The following KRT82 variants were observed in gnomAD, a reference collection of about 807,000 sequenced individuals.
The protein encoded by KRT82 is keratin 82.
In KRT82, 44 loss-of-function variants were observed where a neutral mutation model predicts 48.0. That is an observed-to-expected ratio of 0.92 (90% CI 0.72 to 1.18). The LOEUF (loss-of-function observed/expected upper bound fraction) is 1.18. KRT82 is among the 50% of genes most tolerant of loss of function. The probability of loss-of-function intolerance (pLI) is 0.00; values close to 1 mark genes in which losing one functional copy is unlikely to be tolerated. For missense variants in KRT82, 701 were observed against 671.4 expected, an observed-to-expected ratio of 1.04 and a Z score of -0.49; for synonymous variants, 297 against 278.3, an observed-to-expected ratio of 1.07 and a Z score of -0.67.
rs750110221 is a variant in KRT82, at chr12:52,403,958, A to G, written c.412-49T>C. ...CCAGGCAGCAGAGATCCTGGGGACC[A>G]TGACTTAGAGAGGGCAATGGAATGA... is the stretch of plus-strand genomic sequence containing the variant. On this transcript the variant is annotated intron_variant, in intron 1 of 8. Coordinates refer to ENST00000257974, the MANE Select transcript of KRT82 (RefSeq NM_033033.4). The G allele has an allele frequency of 1.9e-6, 3 of 1,563,062 alleles. No individual in the cohort carries two copies. The East Asian group carries it at 6.8e-5, about 36-fold the overall frequency.
At chr12:52,401,407 C>A in intron 2 of KRT82, 58 bp from the exon 3 acceptor site, 1 of 1,572,012 alleles carries the variant, frequency 6.4e-7, no homozygotes, top group Non-Finnish European at 8.8e-7. Flanking sequence ...TGGAAGAGAT[C>A]TTGGCATCAG....
chr12:52,405,906 G>C lies in KRT82; in HGVS notation c.372C>G (p.Ile124Met). The C allele has an allele frequency of 6.2e-7, 1 of 1,614,020 alleles. No homozygotes were observed. The highest frequency in any genetic ancestry group is 2.2e-5 in the East Asian group (1 of 44,888). ...QRVKRDEKEQ[I>M]KCLNNRFASF... ...ATGCGAAACGGTTGTTGAGGCACTT[G>C]ATCTGCTCCTTCTCATCCCTCTTTA... The change falls in exon 1 of 9, where the codon ATC (isoleucine) becomes ATG (methionine). Residue 124 changes from isoleucine to methionine, a missense_variant. Physicochemically the swap from Ile to Met is conservative, Grantham distance 10 (BLOSUM62 1). Transcript: ENST00000257974.
intron 1 of KRT82, 67 bp downstream of exon 1, chr12:52,405,800 C>T (rs1200377545): frequency 5.3e-6 from 8 of 1,495,938 alleles, no homozygotes; most frequent in Admixed American, 4.1e-5. Context: ...TTCCCTTGGA[C>T]CAGAACAAGA....
At chr12:52,396,265 G>T in intron 6 of KRT82, 33 bp from the exon 7 acceptor site, 1 of 1,582,542 alleles carries the variant, frequency 6.3e-7, no homozygotes, top group Non-Finnish European at 8.6e-7. Flanking sequence ...CATCACTGGG[G>T]GCCCTGGAGC....
At position 52,394,216 on chromosome 12, in the gene KRT82, G is replaced by C. The variant is rs1468001585; in HGVS notation, c.*759C>G. ...GAAGGGGATGGGTGGAGGGGGAACT[G>C]ATTCCATTGAGAAAATGGTATCTGT... On this transcript the variant is annotated 3_prime_UTR_variant, in exon 9 of 9. Coordinates refer to ENST00000257974, the MANE Select transcript of KRT82 (RefSeq NM_033033.4). The C allele has an allele frequency of 6.6e-6, 1 of 152,340 alleles. No individual in the cohort carries two copies. Among genetic ancestry groups the C allele is most frequent in the Non-Finnish European group, 1.5e-5 (1 of 68,118 alleles). The allele number at this position is 152,340 out of a possible 1,614,324, so 9.4% of individuals were successfully genotyped here.
In KRT82 at chr12:52,400,012, G is replaced by A. The variant is rs1414818957; in HGVS notation, c.915C>T (p.Ala305=). The A allele has an allele frequency of 7.4e-6, 12 of 1,614,142 alleles. No individual in the cohort carries two copies. The African/African-American group carries it at 9.3e-5, about 13-fold the overall frequency. ...QYDDIASRSK[A]EAEAWYQCRY... is the part of the protein sequence containing the mutation. ...GGCACTGGTACCAGGCCTCTGCTTCGGCTTTGCTGCGGCTGGCGATGTCGT... is the reference window on the plus strand; with the variant it reads ...GGCACTGGTACCAGGCCTCTGCTTCAGCTTTGCTGCGGCTGGCGATGTCGT... Residue 305 remains alanine (A), a synonymous_variant, in exon 5 of 9, where the codon GCC becomes GCT. Coordinates refer to ENST00000257974, the MANE Select transcript of KRT82 (RefSeq NM_033033.4).
chr12:52,397,908 A>T (rs533003059), intron 5 of KRT82, among the ~76,000 whole-genome samples: 1 of 152,144 alleles, frequency 6.6e-6, no homozygotes, highest in Non-Finnish European at 1.5e-5. Flanking sequence ...TTAGCTGAGT[A>T]TGGTGGTGCA....
chr12:52,403,929 A>G lies in KRT82; in HGVS notation c.412-20T>C, dbSNP rs752032595. ...ACGGACCTGCAGCCAAGAATGGAATATCACCAGGCAGCAGAGATCCTGGGG... is the reference window on the plus strand; with the variant it reads ...ACGGACCTGCAGCCAAGAATGGAATGTCACCAGGCAGCAGAGATCCTGGGG... On this transcript the variant is annotated intron_variant, in intron 1 of 8. Coordinates refer to ENST00000257974, the MANE Select transcript of KRT82 (RefSeq NM_033033.4). 7 of 1,609,526 alleles carry G rather than the reference A, an allele frequency of 4.3e-6. No individual in the cohort carries two copies. The highest frequency in any genetic ancestry group is 3.3e-5 in the Admixed American group (2 of 59,736).
chr12:52,400,687 G>A (rs943475229), intron 3 of KRT82, 65 bp from the exon 4 acceptor site: 5 of 1,070,914 alleles, frequency 4.7e-6, no homozygotes, highest in Non-Finnish European at 7.2e-6. Flanking sequence ...TGGTGGCAGG[G>A]GGAAGGCGTG....
intron 4 of KRT82, 66 bp downstream of exon 4, chr12:52,400,461 T>C (rs913266880): frequency 4.7e-5 from 58 of 1,246,062 alleles, no homozygotes; most frequent in Non-Finnish European, 6.6e-5. Context: ...GGGCGGCCAC[T>C]CTGCTGCCCT....
chr12:52,404,576 G>C (rs1435406538), intron 1 of KRT82, among the ~76,000 whole-genome samples: 1 of 152,172 alleles, frequency 6.6e-6, no homozygotes, highest in Non-Finnish European at 1.5e-5. Context: ...TTGACTAAGG[G>C]AACGTGGTCT....
At chr12:52,405,629 AGAT>A (rs1294610549) in intron 1 of KRT82, among the ~76,000 whole-genome samples, 3 of 152,248 alleles carry the variant, frequency 2.0e-5, no homozygotes, top group South Asian at 2.1e-4. Flanking sequence ...TGATTTTGTC[AGAT>A]AATATTCAGA....
intron 1 of KRT82, among the ~76,000 whole-genome samples, chr12:52,405,517 G>T (rs1395342): frequency 0.082 from 12,502 of 152,286 alleles, 1,088 homozygotes; most frequent in East Asian, 0.5. Context: ...TACTGTTAAA[G>T]CCTCATCAGG....
Position 52,400,114 on chromosome 12 carries a change from G to C in KRT82, c.813C>G (p.Thr271=). The C allele has an allele frequency of 1.9e-6, 3 of 1,614,050 alleles. No individual in the cohort carries two copies. The highest frequency in any genetic ancestry group is 2.5e-6 in the Non-Finnish European group (3 of 1,179,906). ...ICLLQSQISE[T]SVIVKMDNSR... ...TGTTGTCCATCTTCACAATGACCGA[G>C]GTCTCAGAGATCTGAGACTGGAGCA... The change falls in exon 5 of 9, where the codon ACC becomes ACG. Residue 271 remains threonine (T), a synonymous_variant. Transcript: ENST00000257974.
Position 52,394,821 on chromosome 12 carries a change from G to C in KRT82, c.*154C>G. The stretch of plus-strand genomic sequence containing the variant: ...ATGAGGCAAAGGAGGGGTCCTAGGG[G>C]CAGCTCAGCTCTCAAGGAGGGAACA... On this transcript the variant is annotated 3_prime_UTR_variant, in exon 9 of 9. Coordinates refer to ENST00000257974, the MANE Select transcript of KRT82 (RefSeq NM_033033.4). 3 of 672,476 alleles carry C rather than the reference G, an allele frequency of 4.5e-6. No homozygotes were observed. The highest frequency in any genetic ancestry group is 7.8e-6 in the Non-Finnish European group (3 of 385,090). The allele number at this position is 672,476 out of a possible 1,614,324, so 41.7% of individuals were successfully genotyped here. A position where few individuals can be genotyped will look rare whatever the true frequency, so the allele number is the denominator to read the frequency against.
At position 52,400,029 on chromosome 12, in the gene KRT82, C is replaced by A; in HGVS notation, c.898G>T (p.Ala300Ser). 6.2e-7 allele frequency: 1 copy of A among 1,614,092 alleles called. No individual in the cohort carries two copies. The highest frequency in any genetic ancestry group is 8.5e-7 in the Non-Finnish European group (1 of 1,179,986). ...AEIKAQYDDI[A>S]SRSKAEAEAW... ...TCTGCTTCGGCTTTGCTGCGGCTGG[C>A]GATGTCGTCATACTGCGCCTTGATC... Residue 300 changes from alanine to serine, a missense_variant, in exon 5 of 9, where the codon GCC becomes TCC. Ala to Ser is a moderately conservative substitution (Grantham distance 99). Coordinates refer to ENST00000257974, the MANE Select transcript of KRT82 (RefSeq NM_033033.4).
Position 52,400,227 on chromosome 12 carries a change from C to T in KRT82, c.778-78G>A, listed in dbSNP as rs571404229. 1.7e-4 allele frequency: 238 copies of T among 1,439,110 alleles called. No individual in the cohort carries two copies. In the African/African-American group the frequency reaches 2.3e-3, roughly 14 times the overall value. 89.1% of individuals were successfully genotyped at this position (1,439,110 alleles called of 1,614,324 possible). On this transcript the variant is annotated intron_variant, in intron 4 of 8. Transcript: ENST00000257974. ...AGGAGAAGGGGAGAACCCGTTCTGACCTTCCCAGAGCAGAGTGCATAGAAC... is the reference window on the plus strand; with the variant it reads ...AGGAGAAGGGGAGAACCCGTTCTGATCTTCCCAGAGCAGAGTGCATAGAAC...
At chr12:52,397,894 C>A (rs1317713559) in intron 5 of KRT82, among the ~76,000 whole-genome samples, 1 of 151,984 alleles carries the variant, frequency 6.6e-6, no homozygotes, top group African/African-American at 2.4e-5. Context: ...TAAAAATACA[C>A]AAATTAGCTG....
At chr12:52,399,950 C>T (rs1295033829) in intron 5 of KRT82, 35 bp downstream of exon 5, 1 of 1,601,688 alleles carries the variant, frequency 6.2e-7, no homozygotes, top group Admixed American at 1.7e-5. Context: ...TTTGTCACCT[C>T]TCCAGTCTCC....
Sources: allele counts gnomAD v4.1 joint callset (sites outside exome capture counted in the v4.1 genomes callset), GRCh38; gene constraint gnomAD v4.1.1; transcripts MANE v1.5; gene names NCBI Gene and HGNC (gene_info 2026-07-23, HGNC 2026-07-21).